The following TRPM7 variants were observed in gnomAD, a reference collection of about 807,000 sequenced individuals.
TRPM7 encodes transient receptor potential cation channel subfamily M member 7.
In TRPM7, 134 loss-of-function variants were observed where a neutral mutation model predicts 229.7. The ratio of observed to expected loss-of-function variants is 0.58; its 90% confidence interval spans 0.51 to 0.67. TRPM7 has a LOEUF of 0.67. Ranked by LOEUF, TRPM7 falls within the 30% of genes least tolerant of loss-of-function variation. TRPM7 has a pLI of 0.00. For missense variants in TRPM7, 1,901 were observed against 2,210.0 expected (o/e 0.86, Z 2.80); for synonymous variants, 699 against 715.2 (o/e 0.98, Z 0.36).
At chr15:50,615,747 T>C (rs1397558033) in intron 13 of TRPM7, among the ~76,000 whole-genome samples, 1 of 152,076 alleles carries the variant, frequency 6.6e-6, no homozygotes, top group Non-Finnish European at 1.5e-5. Flanking sequence ...AATACAAAAA[T>C]TAGCTGGGTG....
intron 33 of TRPM7, 126 bp downstream of exon 33, chr15:50,575,598 A>AGATTAATCAAGAATTTATT: frequency 1.2e-6 from 1 of 803,158 alleles, no homozygotes; most frequent in East Asian, 2.7e-5. Flanking sequence ...TGTGGTAGTC[A>AGATTAATCAAGAATTTATT]GATTAATCAA....
intron 8 of TRPM7, among the ~76,000 whole-genome samples, chr15:50,633,426 G>A (rs917573143): frequency 6.6e-5 from 10 of 152,076 alleles, no homozygotes; most frequent in Non-Finnish European, 1.5e-5. Flanking sequence ...AATTAATAGT[G>A]AAAGTCTCCT....
intron 27 of TRPM7, 30 bp downstream of exon 27, chr15:50,589,561 AC>A (rs750367120): frequency 3.6e-6 from 5 of 1,375,792 alleles, no homozygotes; most frequent in Middle Eastern, 1.9e-4. Context: ...AATAAATAGA[AC>A]TGTGGGTGTT....
At chr15:50,577,821 A>C (rs1438758358) in intron 31 of TRPM7, among the ~76,000 whole-genome samples, 4 of 152,210 alleles carry the variant, frequency 2.6e-5, no homozygotes, top group African/African-American at 9.7e-5. Context: ...ATGACCACCA[A>C]ATAGCAGAAT....
chr15:50,584,537 G>A (rs1016129129), intron 28 of TRPM7, among the ~76,000 whole-genome samples: 2 of 151,720 alleles, frequency 1.3e-5, no homozygotes, highest in Non-Finnish European at 2.9e-5. Context: ...ATATGAGGAT[G>A]CTGCAATACA....
At chr15:50,566,031 G>T (rs1017326626) in intron 38 of TRPM7, among the ~76,000 whole-genome samples, 2 of 151,830 alleles carry the variant, frequency 1.3e-5, no homozygotes, top group Non-Finnish European at 2.9e-5. Context: ...CACTATGTTG[G>T]CCAGGTTGGT....
At chr15:50,599,940 A>G (rs1352366574) in intron 21 of TRPM7, among the ~76,000 whole-genome samples, 2 of 152,256 alleles carry the variant, frequency 1.3e-5, no homozygotes, top group Non-Finnish European at 2.9e-5. Flanking sequence ...AAAATTCAAA[A>G]AGGGCCTAAT....
At chr15:50,622,990 C>T (rs1055381853) in intron 12 of TRPM7, among the ~76,000 whole-genome samples, 5 of 152,192 alleles carry the variant, frequency 3.3e-5, no homozygotes, top group African/African-American at 1.2e-4. Context: ...TGCCACCAAG[C>T]TTCATGGAAC....
chr15:50,612,164 C>T (rs935406140), intron 16 of TRPM7, among the ~76,000 whole-genome samples: 1 of 152,172 alleles, frequency 6.6e-6, no homozygotes, highest in Non-Finnish European at 1.5e-5. Context: ...GATCACAGCT[C>T]ACTGCAGCCT....
chr15:50,664,920 A>G (rs2061841083), intron 1 of TRPM7, among the ~76,000 whole-genome samples: 1 of 152,196 alleles, frequency 6.6e-6, no homozygotes, highest in East Asian at 1.9e-4. Context: ...AGCCAAGATC[A>G]CACCACTGCA....
At position 50,593,714 on chromosome 15, in the gene TRPM7, G is replaced by C; in HGVS notation, c.3511C>G (p.His1171Asp). The C allele has an allele frequency of 6.2e-7, 1 of 1,610,474 alleles. No homozygotes were observed. The highest frequency in any genetic ancestry group is 8.5e-7 in the Non-Finnish European group (1 of 1,179,020). The change falls in exon 25 of 39, where the codon CAT becomes GAT. Residue 1171 changes from histidine to aspartate, a missense_variant. Physicochemically the swap from His to Asp is moderately conservative, Grantham distance 81. This residue lies in a region of TRPM7 where 533 missense variants were observed against 497.1 expected (regional missense o/e 1.07). Transcript: ENST00000646667. ...TCAACACACTGCTCTTCAAAATCAT[G>C]AAGTTTCTTTTGATCTTCTTCTGTT... ...FLTEEDQKKLHDFEEQCVEMY... is the reference protein window; with the variant it reads ...FLTEEDQKKLDDFEEQCVEMY...
intron 25 of TRPM7, 49 bp downstream of exon 25, chr15:50,593,568 T>G (rs139723375): frequency 3.2e-6 from 5 of 1,573,718 alleles, no homozygotes; most frequent in Admixed American, 1.9e-5. Context: ...ATATAACGAA[T>G]AGATCCCATT....
intron 9 of TRPM7, among the ~76,000 whole-genome samples, chr15:50,632,459 T>C (rs1056331225): frequency 6.6e-6 from 1 of 152,166 alleles, no homozygotes; most frequent in Non-Finnish European, 1.5e-5. Context: ...TCTGAAAACT[T>C]ATGCCCACAT....
At chr15:50,617,263 A>G (rs2060250772) in intron 13 of TRPM7, among the ~76,000 whole-genome samples, 1 of 151,314 alleles carries the variant, frequency 6.6e-6, no homozygotes, top group African/African-American at 2.4e-5. Flanking sequence ...TGAACCTGAG[A>G]GGCAGTGGGT....
chr15:50,679,515 T>C, intron 1 of TRPM7, among the ~76,000 whole-genome samples: 1 of 49,408 alleles, frequency 2.0e-5, no homozygotes, highest in South Asian at 6.8e-4. Context: ...ATATATAATA[T>C]ATATATATAT....
In TRPM7 at chr15:50,632,979, C is replaced by T. The variant is rs1274963591; in HGVS notation, c.1021G>A (p.Ala341Thr). 1 of 1,583,790 alleles carries T rather than the reference C, an allele frequency of 6.3e-7. No homozygotes were observed. The highest frequency in any genetic ancestry group is 8.5e-7 in the Non-Finnish European group (1 of 1,171,756). ...QTEEGGNLPD[A>T]AEPDIISTIK... The stretch of plus-strand genomic sequence containing the variant: ...GTGGAAATAATATCGGGCTCTGCTG[C>T]ATCAGGAAGATTCCTGGAATAAAAG... Residue 341 changes from alanine (A) to threonine (T), a missense_variant, in exon 9 of 39, where the codon GCA (alanine) becomes ACA (threonine). Physicochemically the swap from Ala to Thr is moderately conservative, Grantham distance 58. Coordinates refer to ENST00000646667, the MANE Select transcript of TRPM7 (RefSeq NM_017672.6).
At chr15:50,607,916 G>A (rs1187798748) in intron 19 of TRPM7, among the ~76,000 whole-genome samples, 7 of 150,030 alleles carry the variant, frequency 4.7e-5, no homozygotes, top group African/African-American at 7.4e-5. Context: ...TTAGCCAGAC[G>A]TGGTGGTGCA....
In TRPM7 at chr15:50,643,478, G is replaced by T; in HGVS notation, c.397C>A (p.Pro133Thr). 6.2e-7 allele frequency: 1 copy of T among 1,614,110 alleles called. No homozygotes were observed. The highest frequency in any genetic ancestry group is 8.5e-7 in the Non-Finnish European group (1 of 1,180,040). ...LLLKEWQMEL[P>T]KLVISVHGGM... ...CCATGTACAGAGATAACAAGTTTGGGTAACTCCATTTGCCATTCTTTAAGC... is the reference window on the plus strand; with the variant it reads ...CCATGTACAGAGATAACAAGTTTGGTTAACTCCATTTGCCATTCTTTAAGC... The change falls in exon 5 of 39, where the codon CCC becomes ACC. Residue 133 changes from proline to threonine, a missense_variant. Pro to Thr is a conservative substitution (Grantham distance 38). This residue lies in a region of TRPM7 where 794 missense variants were observed against 881.9 expected (regional missense o/e 0.90). Transcript: ENST00000646667.
intron 3 of TRPM7, among the ~76,000 whole-genome samples, chr15:50,656,593 C>T (rs748675123): frequency 1.3e-5 from 2 of 151,734 alleles, no homozygotes; most frequent in African/African-American, 2.4e-5. Flanking sequence ...GCCTCAACCT[C>T]CCCAAGTGCT....
Sources: allele counts gnomAD v4.1 joint callset (sites outside exome capture counted in the v4.1 genomes callset), GRCh38; gene constraint gnomAD v4.1.1; regional missense constraint gnomAD v4.1.1; transcripts MANE v1.5; gene names NCBI Gene and HGNC (gene_info 2026-07-23, HGNC 2026-07-21).